The following ARHGEF18 variants were observed in gnomAD, a reference collection of about 807,000 sequenced individuals.
ARHGEF18 encodes the protein rho guanine nucleotide exchange factor 18.
ARHGEF18 carries 93 observed loss-of-function variants against 155.7 expected under a neutral mutation model. The observed-to-expected ratio is 0.60, with a 90% CI of 0.50 to 0.71. The LOEUF is 0.71. ARHGEF18 is among the 30% of genes least tolerant of loss of function. ARHGEF18 has a pLI of 0.00. For missense variants in ARHGEF18, 1,593 were observed against 1,816.1 expected, an observed-to-expected ratio of 0.88 and a Z score of 2.23; for synonymous variants, 742 against 753.1, an observed-to-expected ratio of 0.99 and a Z score of 0.24.
Position 7,441,709 on chromosome 19 carries a change from C to T in ARHGEF18, c.1163C>T (p.Thr388Ile), listed in dbSNP as rs759265496. Reference protein sequence around the residue: ...ADSAFLKFKQTADDSLSLTSP... With the variant: ...ADSAFLKFKQIADDSLSLTSP... ...TCTGCGTTTTTAAAATTTAAGCAGA[C>T]AGCTGATGACTCTCTGTCCCTTACA... Residue 388 changes from threonine to isoleucine, a missense_variant, in exon 12 of 29, where the codon ACA (threonine) becomes ATA (isoleucine). Physicochemically the swap from Thr to Ile is moderately conservative, Grantham distance 89. Coordinates refer to ENST00000668164, the MANE Select transcript of ARHGEF18 (RefSeq NM_001367823.1). 4 of 1,614,228 alleles carry T rather than the reference C, an allele frequency of 2.5e-6. No individual in the cohort carries two copies. Among genetic ancestry groups the T allele is most frequent in the Non-Finnish European group, 3.4e-6 (4 of 1,180,044 alleles).
At chr19:7,375,354 AAAGGAAGGAAG>A (rs1381799032) in intron 3 of ARHGEF18, among the ~76,000 whole-genome samples, 1 of 142,286 alleles carries the variant, frequency 7.0e-6, no homozygotes, top group African/African-American at 2.6e-5. Context: ...AAAAGAAAGA[AAAGGAAGGAAG>A]GAAGGAAGGA....
downstream of ARHGEF18, chr19:7,477,022 C>T (rs960588851): frequency 8.5e-5 from 41 of 481,618 alleles, no homozygotes; most frequent in African/African-American, 5.2e-4. Flanking sequence ...AAAACTGTCA[C>T]GGCTCAGGAG....
At position 7,469,975 on chromosome 19, in the gene ARHGEF18, C is replaced by T. The variant is rs776988998; in HGVS notation, c.3859C>T (p.Arg1287Cys). Reference protein sequence around the residue: ...MGKDESTSRNRRSLSPILPGR... With the variant: ...MGKDESTSRNCRSLSPILPGR... ...GAAAGATGAGAGCACCTCACGGAACCGCCGCTCGCTGAGCCCTATCCTGCC... is the reference window on the plus strand; with the variant it reads ...GAAAGATGAGAGCACCTCACGGAACTGCCGCTCGCTGAGCCCTATCCTGCC... The change falls in exon 28 of 29, where the codon CGC becomes TGC. Residue 1287 changes from arginine to cysteine, a missense_variant. Coordinates refer to ENST00000668164, the MANE Select transcript of ARHGEF18 (RefSeq NM_001367823.1). The T allele has an allele frequency of 3.7e-6, 6 of 1,613,192 alleles. No individual in the cohort carries two copies. The highest frequency in any genetic ancestry group is 2.2e-5 in the East Asian group (1 of 44,850).
At chr19:7,389,212 G>A (rs1399812154) in intron 10 of ARHGEF18, among the ~76,000 whole-genome samples, 5 of 148,458 alleles carry the variant, frequency 3.4e-5, no homozygotes, top group Non-Finnish European at 6.0e-5. Flanking sequence ...GTGCAGTGGC[G>A]TGATCTTGGT....
intron 3 of ARHGEF18, among the ~76,000 whole-genome samples, chr19:7,374,289 A>G (rs555779295): frequency 6.0e-4 from 91 of 152,270 alleles, no homozygotes; most frequent in African/African-American, 2.1e-3. Context: ...CTGCACCATC[A>G]GAGGCAGCCC....
intron 10 of ARHGEF18, among the ~76,000 whole-genome samples, chr19:7,427,359 G>A (rs2145706785): frequency 6.6e-6 from 1 of 152,270 alleles, no homozygotes; most frequent in East Asian, 1.9e-4. Flanking sequence ...GGGCTGTCTT[G>A]GCCAGGCATG....
In ARHGEF18 at chr19:7,457,353, C is replaced by CTTTT. The variant is rs1159186670; in HGVS notation, c.2181+974_2181+977dup. On this transcript the variant is annotated intron_variant, in intron 18 of 28. Coordinates refer to ENST00000668164, the MANE Select transcript of ARHGEF18 (RefSeq NM_001367823.1). Reference sequence around the variant, plus strand: ...ATCTCATTTTGCCATAATCACCTCTCTTTTTTTTTTTTTTTTTTTTTTTTT... The same window carrying CTTTT: ...ATCTCATTTTGCCATAATCACCTCTCTTTTTTTTTTTTTTTTTTTTTTTTTTTTT... Among the ~76,000 whole-genome samples the CTTTT allele has an allele frequency of 2.3e-4, 14 of 60,232 alleles. 2 individuals carry two copies. The highest frequency in any genetic ancestry group is 7.3e-4 in the African/African-American group (9 of 12,342). 39.5% of individuals were successfully genotyped at this position (60,232 alleles called of 152,430 possible). A position where few individuals can be genotyped will look rare whatever the true frequency, so the allele number is the denominator to read the frequency against.
At chr19:7,387,343 G>A (rs575463643) in intron 10 of ARHGEF18, among the ~76,000 whole-genome samples, 7 of 151,958 alleles carry the variant, frequency 4.6e-5, no homozygotes, top group East Asian at 1.9e-4. Flanking sequence ...TAGTAGAGAC[G>A]GGGTTTCACC....
At chr19:7,374,592 C>T (rs960253929) in intron 3 of ARHGEF18, among the ~76,000 whole-genome samples, 9 of 151,782 alleles carry the variant, frequency 5.9e-5, no homozygotes, top group African/African-American at 2.2e-4. Flanking sequence ...GCCCGAGAAT[C>T]GCTTGAACCC....
chr19:7,419,989 C>CTTCCACACCCACA (rs1973256269), intron 10 of ARHGEF18, among the ~76,000 whole-genome samples: 1 of 151,322 alleles, frequency 6.6e-6, no homozygotes, highest in Non-Finnish European at 1.5e-5. Context: ...CCACACTCGG[C>CTTCCACACCCACA]CTCCACACCC....
chr19:7,472,214 A>G lies in ARHGEF18; in HGVS notation c.*1916A>G, dbSNP rs1160206452. On this transcript the variant is annotated 3_prime_UTR_variant, in exon 29 of 29. Coordinates refer to ENST00000668164, the MANE Select transcript of ARHGEF18 (RefSeq NM_001367823.1). ...CAGAGGGGTCTCAGTCGTGCTAGGC[A>G]TCGGGCGGCAGCGCCGACAGCCCTT... is the stretch of plus-strand genomic sequence containing the variant. The G allele has an allele frequency of 1.3e-5, 2 of 152,300 alleles. No homozygotes were observed. Among genetic ancestry groups the G allele is most frequent in the East Asian group, 3.9e-4 (2 of 5,194 alleles). 9.4% of individuals were successfully genotyped at this position (152,300 alleles called of 1,614,324 possible).
At chr19:7,469,466 C>T (rs1180876321) in intron 27 of ARHGEF18, among the ~76,000 whole-genome samples, 1 of 152,194 alleles carries the variant, frequency 6.6e-6, no homozygotes, top group African/African-American at 2.4e-5. Flanking sequence ...GTGCAGGCGC[C>T]TCTGCTCATT....
chr19:7,395,839 G>GT lies in ARHGEF18; in HGVS notation c.967+12641dup, dbSNP rs1198700693. The stretch of plus-strand genomic sequence containing the variant: ...CCTTACATGTTTCGTTTTGTTTTAC[G>GT]TTTTTAAATTTCAACTTTTATTTGA... On this transcript the variant is annotated intron_variant, in intron 10 of 28. Transcript: ENST00000668164. This position sits in a 1 kb window ranked among gnomAD's most constrained non-coding sequence, Gnocchi z 5.0. Among the ~76,000 whole-genome samples the GT allele has an allele frequency of 6.6e-6, 1 of 152,176 alleles. No individual in the cohort carries two copies. The highest frequency in any genetic ancestry group is 1.5e-5 in the Non-Finnish European group (1 of 68,020).
the ARHGEF18 span, among the ~76,000 whole-genome samples, chr19:7,479,070 C>G: frequency 6.6e-6 from 1 of 152,242 alleles, no homozygotes; most frequent in Non-Finnish European, 1.5e-5. Context: ...GGTCACAACT[C>G]CTCTGGCCAC....
At chr19:7,477,110 A>G, downstream of ARHGEF18, 1 of 1,233,664 alleles carries the variant, frequency 8.1e-7, no homozygotes, top group Non-Finnish European at 1.1e-6. Flanking sequence ...AGGCAGCTCC[A>G]TGAGAGCCCC....
At chr19:7,423,645 CA>C (rs1314111871) in intron 10 of ARHGEF18, among the ~76,000 whole-genome samples, 1 of 149,122 alleles carries the variant, frequency 6.7e-6, no homozygotes, top group Non-Finnish European at 1.5e-5. Context: ...GCAGAGGTTG[CA>C]ATGAGCCGAG....
chr19:7,445,466 A>G (rs1974929977), intron 14 of ARHGEF18, among the ~76,000 whole-genome samples: 2 of 152,008 alleles, frequency 1.3e-5, no homozygotes, highest in Non-Finnish European at 2.9e-5. Context: ...GGGAAAGCAT[A>G]CCTGTGAACC....
In ARHGEF18 at chr19:7,471,500, C is replaced by T. The variant is rs1977017671; in HGVS notation, c.*1202C>T. 2 of 152,286 alleles carry T rather than the reference C, an allele frequency of 1.3e-5. No homozygotes were observed. The highest frequency in any genetic ancestry group is 1.3e-4 in the Admixed American group (2 of 15,282). 9.4% of individuals were successfully genotyped at this position (152,286 alleles called of 1,614,324 possible). On this transcript the variant is annotated 3_prime_UTR_variant, in exon 29 of 29. Coordinates refer to ENST00000668164, the MANE Select transcript of ARHGEF18 (RefSeq NM_001367823.1). This position sits in a 1 kb window ranked among gnomAD's most constrained non-coding sequence, Gnocchi z 4.4. ...CATTGGTGGTAGGACTGGGTCCTGG[C>T]TGATCGTCCTTGTTCCCAGTGGGGT...
chr19:7,371,241 AG>A (rs1970193169), intron 2 of ARHGEF18, among the ~76,000 whole-genome samples: 1 of 152,118 alleles, frequency 6.6e-6, no homozygotes, highest in Admixed American at 6.6e-5. Context: ...GGTGGGTGCC[AG>A]GGGCTGGGAG....
Sources: allele counts gnomAD v4.1 joint callset (sites outside exome capture counted in the v4.1 genomes callset), GRCh38; gene constraint gnomAD v4.1.1; non-coding constraint Gnocchi (gnomAD v3.1); transcripts MANE v1.5; gene names NCBI Gene and HGNC (gene_info 2026-07-23, HGNC 2026-07-21).